Variants in CSMD1 observed in about 807,000 individuals in gnomAD.
CSMD1 encodes the protein CUB and Sushi multiple domains 1, also known as CUB and sushi domain-containing protein 1.
A neutral mutation model predicts 417.5 loss-of-function variants in CSMD1; 213 were observed. The ratio of observed to expected loss-of-function variants is 0.51; its 90% CI spans 0.46 to 0.57. CSMD1 has a LOEUF of 0.57. Ranked by LOEUF, CSMD1 falls within the 20% of genes least tolerant of loss-of-function variation. The pLI, the probability that CSMD1 is intolerant of heterozygous loss-of-function variation, is 0.00. For synonymous variants in CSMD1, 2,862 were observed against 1,736.8 expected, an observed-to-expected ratio of 1.65 and a Z score of -16.11; for missense variants, 6,923 against 4,529.7, an observed-to-expected ratio of 1.53 and a Z score of -15.17.
At chr8:4,055,766 T>C (rs187183639) in intron 3 of CSMD1, among the ~76,000 whole-genome samples, 5 of 152,268 alleles carry the variant, frequency 3.3e-5, no homozygotes, top group Non-Finnish European at 7.4e-5. Flanking sequence ...CTAGATACTG[T>C]ATAAACAAAC....
chr8:4,033,843 G>A (rs952277602), intron 3 of CSMD1, among the ~76,000 whole-genome samples: 2 of 152,142 alleles, frequency 1.3e-5, no homozygotes, highest in African/African-American at 4.8e-5. Context: ...TATAGAACAT[G>A]ATTTTGAACT....
In CSMD1 at chr8:3,118,032, T is replaced by C. The variant is rs192304191; in HGVS notation, c.6430+367A>G. Among the ~76,000 whole-genome samples, 197 of 152,334 alleles carry C rather than the reference T, an allele frequency of 1.3e-3. 1 individual carries two copies. Among genetic ancestry groups the C allele is most frequent in the African/African-American group, 4.5e-3 (187 of 41,580 alleles). On this transcript the variant is annotated intron_variant, in intron 42 of 69. Transcript: ENST00000635120. ...GGATCAAATTAATAAGTACCCTTTT[T>C]CCCTCTGGTCCTACAATCTGATATA...
intron 2 of CSMD1, among the ~76,000 whole-genome samples, chr8:4,587,751 T>C (rs1403495207): frequency 2.0e-5 from 3 of 152,200 alleles, no homozygotes; most frequent in Admixed American, 1.3e-4. Context: ...AGACTTTGCA[T>C]TTATAGTAGA....
intron 10 of CSMD1, among the ~76,000 whole-genome samples, chr8:3,501,520 G>A (rs562535950): frequency 7.2e-5 from 11 of 152,168 alleles, no homozygotes; most frequent in Non-Finnish European, 1.6e-4. Flanking sequence ...CTTGGAATAA[G>A]ATAATTTATA....
intron 3 of CSMD1, among the ~76,000 whole-genome samples, chr8:4,312,548 G>A (rs71502985): frequency 6.7e-6 from 1 of 150,132 alleles, no homozygotes. Context: ...AAATTGAAAG[G>A]GCTCACAGTC....
intron 36 of CSMD1, among the ~76,000 whole-genome samples, chr8:3,186,509 G>T (rs747426128): frequency 2.6e-5 from 4 of 152,110 alleles, no homozygotes; most frequent in Non-Finnish European, 4.4e-5. Flanking sequence ...TAAAAATATG[G>T]TTTTATTTGC....
At position 4,090,352 on chromosome 8, in the gene CSMD1, C is replaced by G. The variant is rs565062508; in HGVS notation, c.416-58253G>C. On this transcript the variant is annotated intron_variant, in intron 3 of 69. Transcript: ENST00000635120. ...TAAACATGAGTCATTATCTATCATG[C>G]CTTAAAAATAAATTACAAAGTGTCA... 1.6e-3 allele frequency among the ~76,000 whole-genome samples: 238 copies of G among 152,236 alleles called. 1 individual carries two copies. The highest frequency in any genetic ancestry group is 2.7e-3 in the Non-Finnish European group (181 of 68,006).
At chr8:4,753,907 T>G (rs1280155188) in intron 1 of CSMD1, among the ~76,000 whole-genome samples, 2 of 152,226 alleles carry the variant, frequency 1.3e-5, no homozygotes, top group Admixed American at 1.3e-4. Context: ...GTTTTCCTGT[T>G]CATCTGTTAC....
chr8:3,700,199 C>A (rs763811091), intron 7 of CSMD1, among the ~76,000 whole-genome samples: 1 of 152,130 alleles, frequency 6.6e-6, no homozygotes, highest in Non-Finnish European at 1.5e-5. Context: ...TCACAAATCA[C>A]CACTGAAGAG....
intron 5 of CSMD1, among the ~76,000 whole-genome samples, chr8:3,796,357 AGATATAGATAT>A (rs1241915698): frequency 1.8e-5 from 2 of 109,540 alleles, no homozygotes; most frequent in African/African-American, 6.7e-5. Context: ...TATCATGTAT[AGATATAGATAT>A]CTATCATGTA....
At chr8:3,849,387 G>A (rs997473655) in intron 5 of CSMD1, among the ~76,000 whole-genome samples, 6 of 152,118 alleles carry the variant, frequency 3.9e-5, no homozygotes, top group Non-Finnish European at 7.4e-5. Context: ...CATCACAGGC[G>A]CCAAGGAAGG....
chr8:4,820,306 G>A (rs748928013), intron 1 of CSMD1, among the ~76,000 whole-genome samples: 5 of 152,162 alleles, frequency 3.3e-5, no homozygotes, highest in Admixed American at 1.3e-4. Context: ...CAGTTAGTGC[G>A]CCATAGAAGC....
intron 3 of CSMD1, among the ~76,000 whole-genome samples, chr8:4,133,421 C>G (rs1366832693): frequency 6.6e-6 from 1 of 152,184 alleles, no homozygotes; most frequent in Non-Finnish European, 1.5e-5. Flanking sequence ...GTGTTCCTAA[C>G]ATAAATTTAA....
chr8:4,416,455 CATA>C (rs1563150834), intron 3 of CSMD1, among the ~76,000 whole-genome samples: 1 of 151,878 alleles, frequency 6.6e-6, no homozygotes, highest in African/African-American at 2.4e-5. Flanking sequence ...AAATTATATT[CATA>C]ATAAACACGT....
At chr8:4,676,855 TGAGA>T (rs1053125767) in intron 1 of CSMD1, among the ~76,000 whole-genome samples, 42 of 150,972 alleles carry the variant, frequency 2.8e-4, no homozygotes, top group African/African-American at 9.5e-4. Flanking sequence ...TTTTATATAT[TGAGA>T]GAGAGATATA....
chr8:3,113,936 G>T (rs528989023), intron 42 of CSMD1, among the ~76,000 whole-genome samples: 4 of 152,244 alleles, frequency 2.6e-5, no homozygotes, highest in African/African-American at 7.2e-5. Context: ...AATTAAAACA[G>T]GCTGGCTGTT....
intron 5 of CSMD1, among the ~76,000 whole-genome samples, chr8:3,916,558 A>G (rs1300281241): frequency 6.6e-6 from 1 of 152,186 alleles, no homozygotes; most frequent in African/African-American, 2.4e-5. Flanking sequence ...CCGATTATGT[A>G]TGAAGTATGA....
intron 50 of CSMD1, among the ~76,000 whole-genome samples, chr8:3,038,306 T>A (rs1426618822): frequency 1.3e-5 from 2 of 152,212 alleles, no homozygotes; most frequent in Non-Finnish European, 2.9e-5. Flanking sequence ...TTAAATTTCA[T>A]GAAATGCCTG....
At chr8:4,730,740 CA>C (rs543324236) in intron 1 of CSMD1, among the ~76,000 whole-genome samples, 1 of 142,496 alleles carries the variant, frequency 7.0e-6, no homozygotes, top group Non-Finnish European at 1.5e-5. Flanking sequence ...GACTCCATTT[CA>C]AAAAAACAAA....
Sources: gnomAD v4.1 joint callset for allele counts (sites outside exome capture counted in the v4.1 genomes callset) on GRCh38, gnomAD v4.1.1 for gene constraint, MANE v1.5 for transcripts, NCBI Gene and HGNC (gene_info 2026-07-23, HGNC 2026-07-21) for gene names.